CSMD1: variants seen among roughly 807,000 people sequenced by gnomAD.
CSMD1 encodes the protein CUB and sushi domain-containing protein 1.
Under a neutral mutation model 417.5 loss-of-function variants are expected in CSMD1, and 213 were observed. That is an observed-to-expected ratio of 0.51 (90% confidence interval 0.46 to 0.57). The LOEUF (loss-of-function observed/expected upper bound fraction) is 0.57. Ranked by LOEUF, CSMD1 falls within the 20% of genes least tolerant of loss-of-function variation. The probability of loss-of-function intolerance (pLI) is 0.00; values close to 1 mark genes in which losing one functional copy is unlikely to be tolerated. For synonymous variants in CSMD1, 2,862 were observed against 1,736.8 expected (o/e 1.65, Z -16.11); for missense variants, 6,923 against 4,529.7 (o/e 1.53, Z -15.17).
intron 1 of CSMD1, among the ~76,000 whole-genome samples, chr8:4,674,957 A>T (rs920577264): frequency 6.6e-6 from 1 of 152,174 alleles, no homozygotes; most frequent in Admixed American, 6.5e-5. Context: ...ATTCTCCTCC[A>T]TGAGAGGACA....
At position 3,913,162 on chromosome 8, in the gene CSMD1, C is replaced by G. The variant is rs182785781; in HGVS notation, c.818+84741G>C. On this transcript the variant is annotated intron_variant, in intron 5 of 69. Transcript: ENST00000635120. ...ATTTGAAGTATCCATGTTACATCGACAGGGAGATGTTGAGTTGAGAACCGA... is the reference window on the plus strand; with the variant it reads ...ATTTGAAGTATCCATGTTACATCGAGAGGGAGATGTTGAGTTGAGAACCGA... 1.1e-4 allele frequency among the ~76,000 whole-genome samples: 16 copies of G among 152,134 alleles called. No individual in the cohort carries two copies. The East Asian group carries it at 3.1e-3, about 29-fold the overall frequency.
chr8:4,345,954 G>A (rs962483201), intron 3 of CSMD1, among the ~76,000 whole-genome samples: 7 of 152,146 alleles, frequency 4.6e-5, no homozygotes, highest in South Asian at 2.1e-4. Flanking sequence ...TTCAAACTAC[G>A]CTCTTCATAC....
chr8:4,013,632 T>G lies in CSMD1; in HGVS notation c.611-15522A>C, dbSNP rs1424172346. Among the ~76,000 whole-genome samples, 5 of 152,226 alleles carry G rather than the reference T, an allele frequency of 3.3e-5. No individual in the cohort carries two copies. The South Asian group carries it at 8.3e-4, about 25-fold the overall frequency. ...TTGCTTCTCATTTGCTTATTTATGT[T>G]ATCTATCTCCACCCATTAAAATGAT... On this transcript the variant is annotated intron_variant, in intron 4 of 69. Transcript: ENST00000635120.
chr8:3,790,564 C>A (rs917726346), intron 5 of CSMD1, among the ~76,000 whole-genome samples: 2 of 152,094 alleles, frequency 1.3e-5, no homozygotes, highest in African/African-American at 4.8e-5. Flanking sequence ...CAACTAGGAA[C>A]AATCATAATT....
At chr8:3,769,486 A>T (rs1798459921) in intron 5 of CSMD1, among the ~76,000 whole-genome samples, 1 of 123,120 alleles carries the variant, frequency 8.1e-6, no homozygotes, top group South Asian at 2.9e-4. Flanking sequence ...TTGTTGAGAA[A>T]ATAGAGGATA....
intron 3 of CSMD1, among the ~76,000 whole-genome samples, chr8:4,055,136 G>A (rs985773455): frequency 2.0e-5 from 3 of 152,112 alleles, no homozygotes; most frequent in Non-Finnish European, 2.9e-5. Flanking sequence ...TAGAAATATG[G>A]CCTACTTCAG....
At chr8:4,545,598 G>T (rs1004515507) in intron 2 of CSMD1, among the ~76,000 whole-genome samples, 1 of 152,164 alleles carries the variant, frequency 6.6e-6, no homozygotes, top group Non-Finnish European at 1.5e-5. Flanking sequence ...GGCAACAGAA[G>T]CCCTGGCTAG....
chr8:3,108,633 T>C lies in CSMD1; in HGVS notation c.6724A>G (p.Asn2242Asp), dbSNP rs780169123. Residue 2242 changes from asparagine (N) to aspartate (D), a missense_variant, in exon 44 of 70, where the codon AAT (asparagine) becomes GAT (aspartate). By Grantham distance (23) the Asn-to-Asp change is conservative (BLOSUM62 1). Transcript: ENST00000635120. ...AAATTGAGGACAAAGAAGCCTCCAT[T>C]TGAAAAGTCGCTGTGGAACTTGAGC... Reference protein sequence around the residue: ...VLLKFHSDFSNGGFFVLNFHA... With the variant: ...VLLKFHSDFSDGGFFVLNFHA... 3.7e-6 allele frequency: 6 copies of C among 1,613,778 alleles called. No homozygotes were observed. The highest frequency in any genetic ancestry group is 5.1e-6 in the Non-Finnish European group (6 of 1,179,844).
chr8:4,031,750 C>A (rs1344385711), intron 4 of CSMD1, among the ~76,000 whole-genome samples, 155 bp downstream of exon 4: 4 of 152,230 alleles, frequency 2.6e-5, no homozygotes, highest in African/African-American at 9.6e-5. Flanking sequence ...ATAGTAATAA[C>A]ATGTAATATT....
At chr8:4,179,667 G>C (rs74991362) in intron 3 of CSMD1, among the ~76,000 whole-genome samples, 5 of 151,986 alleles carry the variant, frequency 3.3e-5, no homozygotes, top group African/African-American at 1.2e-4. Context: ...GGAAATTTTC[G>C]CAATCTACTC....
chr8:4,573,998 G>C (rs1288849682), intron 2 of CSMD1, among the ~76,000 whole-genome samples: 1 of 152,110 alleles, frequency 6.6e-6, no homozygotes, highest in Non-Finnish European at 1.5e-5. Flanking sequence ...CTCCCAGCTC[G>C]ACTTCAGACT....
chr8:3,647,709 G>A (rs1408460847), intron 7 of CSMD1, among the ~76,000 whole-genome samples: 2 of 152,146 alleles, frequency 1.3e-5, no homozygotes, highest in Admixed American at 1.3e-4. Context: ...GATTTTCTTT[G>A]GAGAAAACAA....
intron 1 of CSMD1, among the ~76,000 whole-genome samples, chr8:4,915,547 T>C (rs558770049): frequency 5.3e-5 from 8 of 152,238 alleles, no homozygotes; most frequent in African/African-American, 1.7e-4. Flanking sequence ...CTCTGAGGTG[T>C]CATGGACCTG....
intron 7 of CSMD1, among the ~76,000 whole-genome samples, chr8:3,671,712 G>A (rs1461628284): frequency 2.6e-5 from 4 of 151,586 alleles, no homozygotes; most frequent in Admixed American, 2.6e-4. Flanking sequence ...TCTTATTCGT[G>A]TTGCATGCCC....
intron 3 of CSMD1, among the ~76,000 whole-genome samples, chr8:4,076,793 G>C (rs529472296): frequency 6.6e-6 from 1 of 152,240 alleles, no homozygotes; most frequent in East Asian, 1.9e-4. Context: ...CCATATCAGA[G>C]TATACACCAT....
chr8:4,299,717 G>C (rs570101037), intron 3 of CSMD1, among the ~76,000 whole-genome samples: 8 of 152,104 alleles, frequency 5.3e-5, no homozygotes, highest in Non-Finnish European at 1.0e-4. Flanking sequence ...TGCAACCCCT[G>C]ACTCCCCATT....
chr8:4,700,392 A>C (rs1470480513), intron 1 of CSMD1, among the ~76,000 whole-genome samples: 1 of 152,090 alleles, frequency 6.6e-6, no homozygotes, highest in East Asian at 1.9e-4. Flanking sequence ...CATTTGCTAT[A>C]CTTTGCTTTT....
At chr8:3,880,796 G>A (rs1424272764) in intron 5 of CSMD1, among the ~76,000 whole-genome samples, 2 of 152,126 alleles carry the variant, frequency 1.3e-5, no homozygotes, top group Non-Finnish European at 2.9e-5. Context: ...TTTTCTTTTA[G>A]ATGGTTGGTT....
chr8:2,999,667 G>C (rs1807224248), intron 53 of CSMD1, among the ~76,000 whole-genome samples: 1 of 152,074 alleles, frequency 6.6e-6, no homozygotes, highest in African/African-American at 2.4e-5. Flanking sequence ...AAATCAAGGA[G>C]GAGGAATCCA....
Sources: gnomAD v4.1 joint callset for allele counts (sites outside exome capture counted in the v4.1 genomes callset) on GRCh38, gnomAD v4.1.1 for gene constraint, MANE v1.5 for transcripts, NCBI Gene and HGNC (gene_info 2026-07-23, HGNC 2026-07-21) for gene names.